Variants in SEC22A observed in about 807,000 individuals in gnomAD.
SEC22A encodes the protein vesicle-trafficking protein SEC22a.
Under a neutral mutation model 35.3 loss-of-function variants are expected in SEC22A, and 22 were observed. The observed-to-expected ratio is 0.62, with a 90% confidence interval of 0.45 to 0.89. SEC22A has a LOEUF of 0.89. Among genes scored for constraint, SEC22A ranks in the 40% least tolerant of loss-of-function variants. The probability of loss-of-function intolerance (pLI) is 0.00; values close to 1 mark genes in which losing one functional copy is unlikely to be tolerated. For missense variants in SEC22A, 354 were observed against 362.5 expected, an observed-to-expected ratio of 0.98 and a Z score of 0.19; for synonymous variants, 119 against 129.5, an observed-to-expected ratio of 0.92 and a Z score of 0.55.
chr3:123,225,103 ATAACT>A lies in SEC22A; in HGVS notation c.349_353del (p.Asn117HisfsTer9), dbSNP rs1937197168. The A allele has an allele frequency of 6.3e-7, 1 of 1,582,418 alleles. No individual in the cohort carries two copies. Among genetic ancestry groups the A allele is most frequent in the African/African-American group, 1.4e-5 (1 of 73,902 alleles). On this transcript the variant is annotated frameshift_variant and splice_region_variant, in exon 4 of 7. Transcript: ENST00000492595. LOFTEE classifies it high-confidence loss of function. ...GAAATTTATTTTTTATTTTACATAG[ATAACT>A]TCATTCAGAGGACCAAGCAGCGATA...
intron 6 of SEC22A, among the ~76,000 whole-genome samples, chr3:123,269,179 A>ATATG (rs756213040): frequency 1.2e-4 from 14 of 120,736 alleles, no homozygotes; most frequent in South Asian, 2.7e-4. Flanking sequence ...AATTAAATAT[A>ATATG]TGTGTGTGTG....
rs1937198019 is a variant in SEC22A at position 123,225,150 on chromosome 3, C to T, written c.394C>T (p.Leu132Phe). The T allele has an allele frequency of 6.2e-7, 1 of 1,613,466 alleles. No individual in the cohort carries two copies. The highest frequency in any genetic ancestry group is 8.5e-7 in the Non-Finnish European group (1 of 1,179,640). Reference sequence around the variant, plus strand: ...GCAGCGATATAATAATCCCAGGTCTCTTTCAACAAAGATAAATCTTTCTGA... The same window carrying T: ...GCAGCGATATAATAATCCCAGGTCTTTTTCAACAAAGATAAATCTTTCTGA... ...TKQRYNNPRS[L>F]STKINLSDMQ... The change falls in exon 4 of 7, where the codon CTT (leucine) becomes TTT (phenylalanine). Residue 132 changes from leucine (L) to phenylalanine (F), a missense_variant. Coordinates refer to ENST00000492595, the MANE Select transcript of SEC22A (RefSeq NM_012430.5).
intron 6 of SEC22A, among the ~76,000 whole-genome samples, chr3:123,260,170 C>CAAAAAAAAT (rs1937855951): frequency 1.3e-5 from 1 of 75,940 alleles, no homozygotes; most frequent in Admixed American, 1.5e-4. Flanking sequence ...AAAAAAAAAA[C>CAAAAAAAAT]TACTAGATTT....
At chr3:123,224,155 A>G (rs1937179813) in intron 3 of SEC22A, among the ~76,000 whole-genome samples, 2 of 152,192 alleles carry the variant, frequency 1.3e-5, no homozygotes, top group Non-Finnish European at 2.9e-5. Flanking sequence ...GAAAGCAGCC[A>G]TAGGCAGTAC....
chr3:123,225,075 A>C (rs998821118), intron 3 of SEC22A, 28 bp from the exon 4 acceptor site: 3 of 1,438,478 alleles, frequency 2.1e-6, no homozygotes, highest in Non-Finnish European at 2.9e-6. Context: ...AAGTGACTGC[A>C]AGGAAATTTA....
At chr3:123,225,405 GA>G (rs1224157574) in intron 4 of SEC22A, 108 bp downstream of exon 4, 2 of 604,248 alleles carry the variant, frequency 3.3e-6, no homozygotes, top group Admixed American at 6.7e-5. Context: ...AAGTACATGA[GA>G]GAATATAGAA....
intron 5 of SEC22A, among the ~76,000 whole-genome samples, chr3:123,258,276 A>G (rs1397764007): frequency 2.0e-5 from 3 of 152,138 alleles, no homozygotes; most frequent in Non-Finnish European, 4.4e-5. Flanking sequence ...ACTGGAAGGA[A>G]ATACATGAAA....
intron 4 of SEC22A, among the ~76,000 whole-genome samples, chr3:123,244,671 T>G (rs1279377935): frequency 6.6e-6 from 1 of 152,186 alleles, no homozygotes; most frequent in Non-Finnish European, 1.5e-5. Flanking sequence ...TATAACTGTT[T>G]AGGGAAGATG....
chr3:123,220,084 G>C (rs1373339327), intron 2 of SEC22A, among the ~76,000 whole-genome samples: 3 of 152,124 alleles, frequency 2.0e-5, no homozygotes, highest in African/African-American at 7.2e-5. Flanking sequence ...AAAGACATAG[G>C]GTTTCCTTTA....
At chr3:123,203,215 A>T (rs1039864922) in intron 1 of SEC22A, among the ~76,000 whole-genome samples, 2 of 151,750 alleles carry the variant, frequency 1.3e-5, no homozygotes, top group African/African-American at 4.8e-5. Context: ...GCCTGAGTTT[A>T]AATCCCTACT....
chr3:123,210,767 A>G (rs1228902453), intron 2 of SEC22A, among the ~76,000 whole-genome samples: 1 of 152,192 alleles, frequency 6.6e-6, no homozygotes, highest in South Asian at 2.1e-4. Flanking sequence ...TCCATATAGG[A>G]TATAATAAGC....
intron 2 of SEC22A, among the ~76,000 whole-genome samples, chr3:123,210,910 G>A (rs993633743): frequency 5.9e-5 from 9 of 152,288 alleles, no homozygotes; most frequent in African/African-American, 2.2e-4. Flanking sequence ...ACTTAGCATG[G>A]TAGGTGTATT....
chr3:123,212,326 A>G (rs1423013357), intron 2 of SEC22A, among the ~76,000 whole-genome samples: 3 of 152,196 alleles, frequency 2.0e-5, no homozygotes, highest in Non-Finnish European at 4.4e-5. Flanking sequence ...AAATATATGT[A>G]AAATGATGTC....
chr3:123,211,199 G>A (rs756182196), intron 2 of SEC22A, among the ~76,000 whole-genome samples: 2 of 152,092 alleles, frequency 1.3e-5, no homozygotes, highest in Non-Finnish European at 2.9e-5. Flanking sequence ...GAAAATAAAC[G>A]TGCAAATGAA....
At chr3:123,245,827 A>G (rs1576497685) in intron 4 of SEC22A, 72 bp from the exon 5 acceptor site, 1 of 803,392 alleles carries the variant, frequency 1.2e-6, no homozygotes, top group Non-Finnish European at 2.1e-6. Context: ...TGAGCAGTGA[A>G]TTTCTGTTTT....
intron 1 of SEC22A, among the ~76,000 whole-genome samples, chr3:123,203,336 G>A (rs570952993): frequency 3.3e-5 from 5 of 151,910 alleles, no homozygotes; most frequent in Non-Finnish European, 5.9e-5. Context: ...TTTTTGGAAC[G>A]CTTAAATGAG....
intron 6 of SEC22A, among the ~76,000 whole-genome samples, chr3:123,264,893 C>T (rs1937992040): frequency 6.6e-6 from 1 of 152,002 alleles, no homozygotes; most frequent in African/African-American, 2.4e-5. Context: ...GTGATCCACC[C>T]ACCTCAGCCT....
chr3:123,211,947 C>T (rs908893814), intron 2 of SEC22A, among the ~76,000 whole-genome samples: 2 of 152,106 alleles, frequency 1.3e-5, no homozygotes, highest in African/African-American at 2.4e-5. Context: ...GTCCCAGCTA[C>T]TGTGGCGACA....
intron 4 of SEC22A, among the ~76,000 whole-genome samples, chr3:123,235,517 AAGAT>A (rs1018715536): frequency 2.0e-5 from 3 of 152,194 alleles, no homozygotes; most frequent in East Asian, 1.9e-4. Context: ...TAAAATTAAA[AAGAT>A]AGACAATAAC....
Sources: allele counts gnomAD v4.1 joint callset (sites outside exome capture counted in the v4.1 genomes callset), GRCh38; gene constraint gnomAD v4.1.1; transcripts MANE v1.5; gene names NCBI Gene and HGNC (gene_info 2026-07-23, HGNC 2026-07-21).